Variants in CSRNP3 observed in about 807,000 individuals in gnomAD.
CSRNP3 encodes the protein cysteine and serine rich nuclear protein 3.
CSRNP3 carries 12 observed loss-of-function variants against 48.0 expected under a neutral mutation model. The observed-to-expected ratio is 0.25, with a 90% confidence interval of 0.16 to 0.41. The LOEUF is 0.41. Ranked by LOEUF, CSRNP3 falls within the 10% of genes least tolerant of loss-of-function variation. The pLI is 1.00. For missense variants in CSRNP3, 580 were observed against 724.4 expected (o/e 0.80, Z 2.29); for synonymous variants, 263 against 269.7 (o/e 0.98, Z 0.24).
intron 3 of CSRNP3, among the ~76,000 whole-genome samples, chr2:165,520,173 T>C (rs529466936): frequency 4.6e-5 from 7 of 152,194 alleles, no homozygotes; most frequent in Non-Finnish European, 1.0e-4. Flanking sequence ...TTAGAAAATA[T>C]ATAGAGTTGG....
intron 4 of CSRNP3, among the ~76,000 whole-genome samples, chr2:165,598,560 C>T (rs1685848621): frequency 6.6e-6 from 1 of 152,026 alleles, no homozygotes; most frequent in Non-Finnish European, 1.5e-5. Context: ...ATTGAAATGG[C>T]CTGGTGAGCT....
At chr2:165,532,857 CAA>C (rs1395105271) in intron 3 of CSRNP3, among the ~76,000 whole-genome samples, 67 of 150,568 alleles carry the variant, frequency 4.4e-4, no homozygotes, top group East Asian at 5.8e-4. Flanking sequence ...GCAACTTCAG[CAA>C]AGTCTCAGGA....
intron 5 of CSRNP3, among the ~76,000 whole-genome samples, chr2:165,666,563 GAA>G (rs1234592730): frequency 2.6e-5 from 1 of 38,794 alleles, no homozygotes; most frequent in African/African-American, 8.7e-5. Flanking sequence ...GAGAGAGGAA[GAA>G]AGAGAGAGAG....
chr2:165,595,234 C>A, intron 4 of CSRNP3, 21 bp downstream of exon 4: 3 of 1,587,068 alleles, frequency 1.9e-6, no homozygotes, highest in Non-Finnish European at 2.6e-6. Flanking sequence ...AAATCAGAAC[C>A]GAAGTCAATT....
At chr2:165,555,844 A>G (rs1216178969) in intron 3 of CSRNP3, among the ~76,000 whole-genome samples, 1 of 151,020 alleles carries the variant, frequency 6.6e-6, no homozygotes, top group Non-Finnish European at 1.5e-5. Flanking sequence ...GTTGCATTTT[A>G]TATTCAGCTT....
chr2:165,595,079 TA>T lies in CSRNP3; in HGVS notation c.17del (p.Lys6ArgfsTer16), dbSNP rs1490452778. MSGI[L>X]KRKFEEVDGS... The stretch of plus-strand genomic sequence containing the variant: ...AGCACTGCAGCGATGAGTGGAATTT[TA>T]AAGAGGAAGTTTGAAGAAGTTGACG... On this transcript the variant is annotated frameshift_variant, in exon 4 of 7. Coordinates refer to ENST00000651982, the MANE Select transcript of CSRNP3 (RefSeq NM_001172173.2). LOFTEE classifies it high-confidence loss of function. 6.2e-7 allele frequency: 1 copy of T among 1,613,962 alleles called. No individual in the cohort carries two copies. The highest frequency in any genetic ancestry group is 8.5e-7 in the Non-Finnish European group (1 of 1,180,000).
intron 3 of CSRNP3, among the ~76,000 whole-genome samples, chr2:165,563,825 C>T (rs1685264515): frequency 6.6e-6 from 1 of 152,052 alleles, no homozygotes. Flanking sequence ...TACATAATGC[C>T]CAGCTACAAA....
chr2:165,534,731 A>G (rs181036606), intron 3 of CSRNP3, among the ~76,000 whole-genome samples: 2 of 151,950 alleles, frequency 1.3e-5, no homozygotes, highest in Admixed American at 1.3e-4. Flanking sequence ...ATATTAAGTG[A>G]AAAAAGAAAG....
rs904281677 is a variant in CSRNP3, at chr2:165,681,013, T to C, written c.*1260T>C. The C allele has an allele frequency of 5.3e-5, 8 of 152,210 alleles. No homozygotes were observed. Among genetic ancestry groups the C allele is most frequent in the African/African-American group, 1.9e-4 (8 of 41,450 alleles). 9.4% of individuals were successfully genotyped at this position (152,210 alleles called of 1,614,324 possible). A position where few individuals can be genotyped will look rare whatever the true frequency, so the allele number is the denominator to read the frequency against. ...TTTTCTGAAGCATTTTGATTTGTCT[T>C]GCCTGGGACAACTAGCAGAACAGTC... On this transcript the variant is annotated 3_prime_UTR_variant, in exon 7 of 7. Coordinates refer to ENST00000651982, the MANE Select transcript of CSRNP3 (RefSeq NM_001172173.2).
intron 4 of CSRNP3, among the ~76,000 whole-genome samples, chr2:165,624,042 A>G (rs1439530644): frequency 6.6e-6 from 1 of 152,180 alleles, no homozygotes; most frequent in African/African-American, 2.4e-5. Context: ...CAACAACAAA[A>G]GAGTCCTAGC....
intron 1 of CSRNP3, among the ~76,000 whole-genome samples, chr2:165,478,414 A>G (rs1683997895): frequency 6.6e-6 from 1 of 152,172 alleles, no homozygotes; most frequent in South Asian, 2.1e-4. Flanking sequence ...TGTGCTTTTA[A>G]ACTTCAAAAA....
intron 3 of CSRNP3, among the ~76,000 whole-genome samples, chr2:165,571,950 C>G (rs76556303): frequency 6.6e-6 from 1 of 151,906 alleles, no homozygotes; most frequent in South Asian, 2.1e-4. Context: ...AAAAGAAATG[C>G]CAGCAATCTA....
chr2:165,499,048 A>G (rs1315680391), intron 2 of CSRNP3, among the ~76,000 whole-genome samples: 1 of 152,228 alleles, frequency 6.6e-6, no homozygotes, highest in African/African-American at 2.4e-5. Context: ...AGAGAATCAC[A>G]TCCTTACTTT....
intron 1 of CSRNP3, among the ~76,000 whole-genome samples, chr2:165,477,481 G>C (rs1053268245): frequency 2.3e-5 from 2 of 88,688 alleles, no homozygotes; most frequent in Admixed American, 1.2e-4. Flanking sequence ...ATATATATAT[G>C]AAATATATAT....
At chr2:165,586,974 C>T (rs1321041832) in intron 3 of CSRNP3, among the ~76,000 whole-genome samples, 1 of 152,176 alleles carries the variant, frequency 6.6e-6, no homozygotes, top group African/African-American at 2.4e-5. Flanking sequence ...ACTTTGCCTT[C>T]CCAATAGGAC....
intron 4 of CSRNP3, among the ~76,000 whole-genome samples, chr2:165,632,284 G>A (rs1043140810): frequency 6.6e-6 from 1 of 152,162 alleles, no homozygotes; most frequent in Non-Finnish European, 1.5e-5. Flanking sequence ...TACTTTGGGA[G>A]GCTGAGGCAG....
chr2:165,655,867 C>CT (rs1686995777), intron 4 of CSRNP3, among the ~76,000 whole-genome samples: 2 of 152,188 alleles, frequency 1.3e-5, no homozygotes. Context: ...CTTTTATAAA[C>CT]ACACCAGTCA....
At position 165,682,751 on chromosome 2, in the gene CSRNP3, C is replaced by T. The variant is rs1687568129; in HGVS notation, c.*2998C>T. 1 of 152,080 alleles carries T rather than the reference C, an allele frequency of 6.6e-6. No homozygotes were observed. The highest frequency in any genetic ancestry group is 6.6e-5 in the Admixed American group (1 of 15,234). 9.4% of individuals were successfully genotyped at this position (152,080 alleles called of 1,614,324 possible). On this transcript the variant is annotated 3_prime_UTR_variant, in exon 7 of 7. Transcript: ENST00000651982. ...AGCCGTTCTATTCAACAAAGAGCTGCCCACATGCCAGGAAAGTGCTACAGT... is the reference window on the plus strand; with the variant it reads ...AGCCGTTCTATTCAACAAAGAGCTGTCCACATGCCAGGAAAGTGCTACAGT...
At chr2:165,596,884 C>T (rs1259716167) in intron 4 of CSRNP3, among the ~76,000 whole-genome samples, 2 of 152,262 alleles carry the variant, frequency 1.3e-5, no homozygotes, top group South Asian at 4.1e-4. Context: ...TTATTGGATA[C>T]AGACTATGCT....
Sources: gnomAD v4.1 joint callset for allele counts (sites outside exome capture counted in the v4.1 genomes callset) on GRCh38, gnomAD v4.1.1 for gene constraint, MANE v1.5 for transcripts, NCBI Gene and HGNC (gene_info 2026-07-23, HGNC 2026-07-21) for gene names.